FAM117A: variants seen among roughly 807,000 people sequenced by gnomAD.
The protein encoded by FAM117A is protein FAM117A.
In FAM117A, 21 loss-of-function variants were observed where a neutral mutation model predicts 44.1. The ratio of observed to expected loss-of-function variants is 0.48; its 90% confidence interval spans 0.34 to 0.69. The LOEUF (loss-of-function observed/expected upper bound fraction) is 0.69. FAM117A is among the 30% of genes least tolerant of loss of function. FAM117A has a pLI of 0.01. For synonymous variants in FAM117A, 220 were observed against 238.3 expected (o/e 0.92, Z 0.71); for missense variants, 498 against 589.9 (o/e 0.84, Z 1.61).
chr17:49,752,447 T>G (rs1301330172), intron 1 of FAM117A, among the ~76,000 whole-genome samples: 1 of 152,174 alleles, frequency 6.6e-6, no homozygotes, highest in Non-Finnish European at 1.5e-5. Flanking sequence ...CAATGCCACT[T>G]GCATCTACCC....
chr17:49,754,000 C>A (rs1208618971), intron 1 of FAM117A, among the ~76,000 whole-genome samples: 2 of 152,136 alleles, frequency 1.3e-5, no homozygotes, highest in Non-Finnish European at 2.9e-5. Flanking sequence ...AAGATGTGCA[C>A]ACCCCCCATG....
chr17:49,748,453 C>T (rs1410796737), intron 1 of FAM117A, among the ~76,000 whole-genome samples: 2 of 152,084 alleles, frequency 1.3e-5, no homozygotes, highest in Non-Finnish European at 2.9e-5. Context: ...TGGCCACTAC[C>T]GGAAACTTAC....
rs917328000 is a variant in FAM117A at position 49,741,954 on chromosome 17, G to A, written c.197-9234C>T. On this transcript the variant is annotated intron_variant, in intron 1 of 7. Coordinates refer to ENST00000240364, the MANE Select transcript of FAM117A (RefSeq NM_030802.4). ...AGAAGCCCTCCTTGGAAAGCCCAAG[G>A]AGACCCCATCCATCCCAGCTGAAAA... is the stretch of plus-strand genomic sequence containing the variant. Among the ~76,000 whole-genome samples, 8 of 152,216 alleles carry A rather than the reference G, an allele frequency of 5.3e-5. 1 individual carries two copies. The highest frequency in any genetic ancestry group is 1.7e-4 in the African/African-American group (7 of 41,530).
At chr17:49,778,624 T>G (rs1670249901) in intron 1 of FAM117A, among the ~76,000 whole-genome samples, 1 of 152,250 alleles carries the variant, frequency 6.6e-6, no homozygotes, top group Non-Finnish European at 1.5e-5. Flanking sequence ...ACTATATAAA[T>G]GTGTGTACAA....
At position 49,744,272 on chromosome 17, in the gene FAM117A, ATTAT is replaced by A. The variant is rs759403952; in HGVS notation, c.197-11556_197-11553del. ...CTATGCACATCCTCCCGAATACTTT[ATTAT>A]TTGTTTATTTATTTTTCTTTTGATT... On this transcript the variant is annotated intron_variant, in intron 1 of 7. Coordinates refer to ENST00000240364, the MANE Select transcript of FAM117A (RefSeq NM_030802.4). 7.8e-4 allele frequency among the ~76,000 whole-genome samples: 119 copies of A among 152,134 alleles called. 1 individual carries two copies. Among genetic ancestry groups the A allele is most frequent in the Admixed American group, 7.9e-4 (12 of 15,282 alleles).
At chr17:49,754,865 C>T (rs2073692019) in intron 1 of FAM117A, among the ~76,000 whole-genome samples, 2 of 151,518 alleles carry the variant, frequency 1.3e-5, no homozygotes, top group African/African-American at 4.8e-5. Context: ...ATGCAGAAAC[C>T]CCATCTCTAC....
intron 7 of FAM117A, 46 bp from the exon 8 acceptor site, chr17:49,711,601 G>A: frequency 6.3e-7 from 1 of 1,574,836 alleles, no homozygotes; most frequent in Non-Finnish European, 8.7e-7. Context: ...TACACACAGA[G>A]AGAAACAGAC....
intron 2 of FAM117A, among the ~76,000 whole-genome samples, chr17:49,730,184 C>T (rs1251070946): frequency 4.6e-5 from 7 of 152,234 alleles, no homozygotes; most frequent in African/African-American, 1.7e-4. Context: ...GCATTCTCCA[C>T]CTCCTGACTG....
intron 1 of FAM117A, among the ~76,000 whole-genome samples, chr17:49,752,261 C>T (rs968786332): frequency 1.6e-4 from 24 of 152,274 alleles, no homozygotes; most frequent in Non-Finnish European, 3.1e-4. Flanking sequence ...TGGGCACATG[C>T]CTGTCTCGGA....
intron 1 of FAM117A, among the ~76,000 whole-genome samples, chr17:49,778,009 C>G (rs184550490): frequency 6.6e-6 from 1 of 152,184 alleles, no homozygotes; most frequent in African/African-American, 2.4e-5. Flanking sequence ...GAAGAAGATG[C>G]ACTTTGTGGG....
intron 3 of FAM117A, 108 bp from the exon 4 acceptor site, chr17:49,720,544 A>C: frequency 5.2e-6 from 4 of 762,802 alleles, no homozygotes; most frequent in Non-Finnish European, 8.9e-6. Context: ...AGATATATAC[A>C]AGGAGGATGG....
Position 49,720,311 on chromosome 17 carries a change from G to A in FAM117A, c.573+15C>T. 1 of 1,598,904 alleles carries A rather than the reference G, an allele frequency of 6.3e-7. No homozygotes were observed. Among genetic ancestry groups the A allele is most frequent in the Non-Finnish European group, 8.6e-7 (1 of 1,167,082 alleles). ...GAGGAGAACAGAGGGGAGAGGGCTG[G>A]GGGAGAAAACATACCCTCAGTGCTC... On this transcript the variant is annotated intron_variant, in intron 4 of 7. Transcript: ENST00000240364.
At chr17:49,716,951 A>C (rs2073507092) in intron 6 of FAM117A, among the ~76,000 whole-genome samples, 1 of 152,196 alleles carries the variant, frequency 6.6e-6, no homozygotes, top group Non-Finnish European at 1.5e-5. Context: ...TGTGACAATC[A>C]AATCAGACAA....
At chr17:49,714,696 G>T (rs575996231) in intron 7 of FAM117A, among the ~76,000 whole-genome samples, 1 of 150,138 alleles carries the variant, frequency 6.7e-6, no homozygotes, top group Non-Finnish European at 1.5e-5. Flanking sequence ...GCCCAGGCTG[G>T]AGTGCGGTGG....
intron 2 of FAM117A, among the ~76,000 whole-genome samples, chr17:49,729,853 T>C (rs117659801): frequency 0.011 from 1,705 of 152,250 alleles, 34 homozygotes; most frequent in East Asian, 0.1. Flanking sequence ...CTTTGGTAGA[T>C]CCTGCCACCC....
chr17:49,783,640 G>T (rs936254450), intron 1 of FAM117A, among the ~76,000 whole-genome samples: 3 of 152,022 alleles, frequency 2.0e-5, no homozygotes, highest in Admixed American at 6.6e-5. Flanking sequence ...AAAGAAGAAG[G>T]GCCTATTAGT....
intron 1 of FAM117A, among the ~76,000 whole-genome samples, chr17:49,775,932 C>G (rs2073774376): frequency 6.6e-6 from 1 of 152,178 alleles, no homozygotes; most frequent in African/African-American, 2.4e-5. Flanking sequence ...TGGCCCTGTA[C>G]ACCCAATTCT....
intron 1 of FAM117A, 41 bp from the exon 2 acceptor site, chr17:49,732,761 G>A: frequency 5.7e-6 from 9 of 1,592,102 alleles, no homozygotes; most frequent in Non-Finnish European, 7.7e-6. Flanking sequence ...CATCAGCATG[G>A]AGGAAGGAGA....
intron 6 of FAM117A, among the ~76,000 whole-genome samples, chr17:49,717,174 G>A (rs970219342): frequency 1.3e-5 from 2 of 152,144 alleles, no homozygotes; most frequent in Admixed American, 1.3e-4. Flanking sequence ...AACCATTGTT[G>A]GGAATGAGTA....
Sources: allele counts gnomAD v4.1 joint callset (sites outside exome capture counted in the v4.1 genomes callset), GRCh38; gene constraint gnomAD v4.1.1; transcripts MANE v1.5; gene names NCBI Gene and HGNC (gene_info 2026-07-23, HGNC 2026-07-21).